DNAI3: variants seen among roughly 807,000 people sequenced by gnomAD.
DNAI3 encodes WD repeat domain 63.
DNAI3 carries 83 observed loss-of-function variants against 115.5 expected under a neutral mutation model. That is an observed-to-expected ratio of 0.72 (90% CI 0.60 to 0.86). The LOEUF (loss-of-function observed/expected upper bound fraction) is 0.86, where lower values mean the gene tolerates loss of function less well. Among genes scored for constraint, DNAI3 ranks in the 40% least tolerant of loss-of-function variants. The pLI is 0.00. For synonymous variants in DNAI3, 320 were observed against 347.0 expected (o/e 0.92, Z 0.86); for missense variants, 1,004 against 1,075.8 (o/e 0.93, Z 0.93).
intron 1 of DNAI3, among the ~76,000 whole-genome samples, chr1:85,070,665 T>A (rs1368767957): frequency 1.3e-5 from 2 of 152,228 alleles, no homozygotes; most frequent in African/African-American, 4.8e-5. Flanking sequence ...AGATGATGGA[T>A]AATCCCAGTT....
chr1:85,090,413 T>A (rs982403391), intron 8 of DNAI3, among the ~76,000 whole-genome samples, 181 bp downstream of exon 8: 1 of 152,232 alleles, frequency 6.6e-6, no homozygotes, highest in African/African-American at 2.4e-5. Flanking sequence ...CTAAGCAACA[T>A]CTTAGCCCTA....
chr1:85,066,568 T>A (rs866046849), intron 1 of DNAI3, among the ~76,000 whole-genome samples: 33 of 152,174 alleles, frequency 2.2e-4, no homozygotes, highest in African/African-American at 7.9e-4. Flanking sequence ...GACCTCATGA[T>A]CTGCCCGCCT....
intron 13 of DNAI3, among the ~76,000 whole-genome samples, chr1:85,101,960 A>G (rs968114722): frequency 6.6e-6 from 1 of 151,472 alleles, no homozygotes; most frequent in Non-Finnish European, 1.5e-5. Flanking sequence ...TTCCAACACT[A>G]GGAGGCTGAG....
At chr1:85,117,983 A>G in intron 17 of DNAI3, 124 bp downstream of exon 17, 1 of 1,204,260 alleles carries the variant, frequency 8.3e-7, no homozygotes, top group Non-Finnish European at 1.1e-6. Context: ...ATATTTTAGT[A>G]TGCTTGTTTG....
chr1:85,119,989 T>C (rs533683186), intron 17 of DNAI3, among the ~76,000 whole-genome samples: 181 of 152,352 alleles, frequency 1.2e-3, no homozygotes, highest in African/African-American at 4.2e-3. Flanking sequence ...CGTGAGCCAC[T>C]GTGCCCGGCC....
intron 19 of DNAI3, 124 bp from the exon 20 acceptor site, chr1:85,126,387 G>T: frequency 1.1e-6 from 1 of 949,376 alleles, no homozygotes; most frequent in South Asian, 1.9e-5. Flanking sequence ...GACTTCCTGT[G>T]GGCATAATTT....
intron 1 of DNAI3, among the ~76,000 whole-genome samples, chr1:85,071,674 T>C (rs373530487): frequency 5.3e-4 from 80 of 152,312 alleles, no homozygotes; most frequent in African/African-American, 1.9e-3. Flanking sequence ...GCTGAGACTT[T>C]GTTCTGGCAG....
intron 13 of DNAI3, 23 bp downstream of exon 13, chr1:85,098,681 T>G: frequency 6.2e-7 from 1 of 1,604,248 alleles, no homozygotes; most frequent in Non-Finnish European, 8.5e-7. Flanking sequence ...GGCCTTATAC[T>G]TTTCTCCTGC....
intron 16 of DNAI3, among the ~76,000 whole-genome samples, chr1:85,116,212 T>A (rs1237546885): frequency 6.6e-6 from 1 of 152,178 alleles, no homozygotes; most frequent in African/African-American, 2.4e-5. Flanking sequence ...ACTCTTGCTG[T>A]CTCCTGGGTT....
intron 15 of DNAI3, among the ~76,000 whole-genome samples, chr1:85,108,435 CTG>C (rs1053831758): frequency 1.3e-5 from 2 of 152,120 alleles, no homozygotes; most frequent in Non-Finnish European, 2.9e-5. Context: ...CACACATACA[CTG>C]TGTATGATTT....
chr1:85,123,757 G>A (rs947882778), intron 18 of DNAI3, among the ~76,000 whole-genome samples: 2 of 152,082 alleles, frequency 1.3e-5, no homozygotes, highest in African/African-American at 4.8e-5. Flanking sequence ...AAGCTCCTTG[G>A]GGGCAAAATC....
At chr1:85,076,322 T>C (rs1465891772) in intron 3 of DNAI3, among the ~76,000 whole-genome samples, 1 of 151,926 alleles carries the variant, frequency 6.6e-6, no homozygotes, top group East Asian at 1.9e-4. Flanking sequence ...GGATAAATGT[T>C]TTAAAAAATG....
rs33956396 is a variant in DNAI3, at chr1:85,084,250, G to GTATATATA, written c.391-275_391-268dup. Among the ~76,000 whole-genome samples the GTATATATA allele has an allele frequency of 7.6e-3, 644 of 84,960 alleles. 10 individuals carry two copies. The highest frequency in any genetic ancestry group is 0.016 in the African/African-American group (444 of 27,634). The allele number at this position is 84,960 out of a possible 152,430, so 55.7% of individuals were successfully genotyped here. On this transcript the variant is annotated intron_variant, in intron 5 of 22. Transcript: ENST00000294664. ...ATGTGTATATATATATCAGCAGTGT[G>GTATATATA]TATATATATATATATATATATATAT...
chr1:85,081,150 TA>T, intron 3 of DNAI3, 83 bp from the exon 4 acceptor site: 1 of 1,163,066 alleles, frequency 8.6e-7, no homozygotes, highest in South Asian at 1.8e-5. Flanking sequence ...AGATAATTAT[TA>T]AAACCAAGCG....
intron 16 of DNAI3, among the ~76,000 whole-genome samples, chr1:85,112,396 C>T (rs988758054): frequency 1.3e-5 from 2 of 152,144 alleles, no homozygotes; most frequent in African/African-American, 4.8e-5. Flanking sequence ...CTTTTATGAA[C>T]ATTCATGTAC....
intron 22 of DNAI3, among the ~76,000 whole-genome samples, chr1:85,132,335 T>C (rs1392434354): frequency 6.6e-6 from 1 of 152,186 alleles, no homozygotes; most frequent in East Asian, 1.9e-4. Flanking sequence ...TTCAGGAAAA[T>C]CATGCACCTG....
chr1:85,119,124 T>G (rs1220511151), intron 17 of DNAI3, among the ~76,000 whole-genome samples: 2 of 152,244 alleles, frequency 1.3e-5, no homozygotes, highest in Non-Finnish European at 2.9e-5. Flanking sequence ...AAAAATTTTT[T>G]TAATTGTGGT....
chr1:85,119,185 A>C (rs912189955), intron 17 of DNAI3, among the ~76,000 whole-genome samples: 4 of 152,342 alleles, frequency 2.6e-5, no homozygotes, highest in African/African-American at 7.2e-5. Flanking sequence ...TAAATGTACA[A>C]TTCAGTGGTA....
chr1:85,090,227 C>CA lies in DNAI3; in HGVS notation c.853dup (p.Ile285AsnfsTer4). The CA allele has an allele frequency of 2.6e-6, 4 of 1,533,780 alleles. No individual in the cohort carries two copies. The highest frequency in any genetic ancestry group is 3.5e-6 in the Non-Finnish European group (4 of 1,137,530). On this transcript the variant is annotated frameshift_variant, in exon 8 of 23. Coordinates refer to ENST00000294664, the MANE Select transcript of DNAI3 (RefSeq NM_145172.5). LOFTEE classifies it high-confidence loss of function. ...TGGTTGATTTTCTTAACAATGCATC[C>CA]ATAAGGTAAAAAATTGCATATTAAA... is the stretch of plus-strand genomic sequence containing the variant.
Sources: gnomAD v4.1 joint callset for allele counts (sites outside exome capture counted in the v4.1 genomes callset) on GRCh38, gnomAD v4.1.1 for gene constraint, MANE v1.5 for transcripts, NCBI Gene and HGNC (gene_info 2026-07-23, HGNC 2026-07-21) for gene names.